The following SHROOM3 variants were observed in gnomAD, a reference collection of about 807,000 sequenced individuals.
SHROOM3 encodes the protein shroom family member 3.
Under a neutral mutation model 138.6 loss-of-function variants are expected in SHROOM3, and 47 were observed. The ratio of observed to expected loss-of-function variants is 0.34; its 90% CI spans 0.27 to 0.43. The LOEUF (loss-of-function observed/expected upper bound fraction) is 0.43, where lower values mean the gene tolerates loss of function less well. Ranked by LOEUF, SHROOM3 falls within the 20% of genes least tolerant of loss-of-function variation. The pLI, the probability that SHROOM3 is intolerant of heterozygous loss-of-function variation, is 1.00. For synonymous variants in SHROOM3, 1,062 were observed against 1,063.3 expected (o/e 1.00, Z 0.02); for missense variants, 2,491 against 2,596.5 (o/e 0.96, Z 0.88).
chr4:76,443,391 G>A (rs971390133), intron 1 of SHROOM3, among the ~76,000 whole-genome samples: 1 of 152,186 alleles, frequency 6.6e-6, no homozygotes, highest in Non-Finnish European at 1.5e-5. Context: ...AGCCCACAGT[G>A]TGATTGGAGA....
chr4:76,490,289 G>T (rs1392850890), intron 1 of SHROOM3, among the ~76,000 whole-genome samples: 1 of 152,186 alleles, frequency 6.6e-6, no homozygotes, highest in Non-Finnish European at 1.5e-5. Context: ...GGCTGGAGTG[G>T]AGTTACAAAA....
chr4:76,767,453 T>C (rs1047547196), intron 9 of SHROOM3, among the ~76,000 whole-genome samples: 1 of 151,958 alleles, frequency 6.6e-6, no homozygotes, highest in Non-Finnish European at 1.5e-5. Flanking sequence ...CCAAGGCAGG[T>C]GAATAACTGA....
At chr4:76,554,371 AAAGT>A (rs1733433148) in intron 1 of SHROOM3, among the ~76,000 whole-genome samples, 1 of 152,070 alleles carries the variant, frequency 6.6e-6, no homozygotes, top group African/African-American at 2.4e-5. Context: ...TTTAGAACAA[AAAGT>A]AAGGTAAGAG....
At chr4:76,521,928 G>A (rs577109654) in intron 1 of SHROOM3, among the ~76,000 whole-genome samples, 1 of 152,140 alleles carries the variant, frequency 6.6e-6, no homozygotes, top group Non-Finnish European at 1.5e-5. Flanking sequence ...ATGATGCACT[G>A]GCAAGGACAT....
chr4:76,524,443 G>C (rs1392119105), intron 1 of SHROOM3, among the ~76,000 whole-genome samples: 1 of 152,222 alleles, frequency 6.6e-6, no homozygotes, highest in Non-Finnish European at 1.5e-5. Flanking sequence ...CAGGAGAAAG[G>C]AAGAGAGTGA....
chr4:76,520,284 C>T (rs1732535182), intron 1 of SHROOM3, among the ~76,000 whole-genome samples: 1 of 152,116 alleles, frequency 6.6e-6, no homozygotes, highest in Non-Finnish European at 1.5e-5. Flanking sequence ...TTTGAAGAGA[C>T]CAGTCATGTC....
intron 1 of SHROOM3, among the ~76,000 whole-genome samples, chr4:76,465,436 T>A (rs1731231245): frequency 6.6e-6 from 1 of 152,202 alleles, no homozygotes; most frequent in African/African-American, 2.4e-5. Context: ...GCCATGCCAT[T>A]CTGCCTGATG....
At chr4:76,677,728 C>T (rs1719081011) in intron 2 of SHROOM3, among the ~76,000 whole-genome samples, 1 of 152,174 alleles carries the variant, frequency 6.6e-6, no homozygotes, top group African/African-American at 2.4e-5. Context: ...CCCAAATGTG[C>T]CCACTATAAG....
intron 2 of SHROOM3, among the ~76,000 whole-genome samples, chr4:76,635,612 G>T (rs1453023753): frequency 6.6e-6 from 1 of 152,258 alleles, no homozygotes; most frequent in East Asian, 1.9e-4. Context: ...GGTCTGAAAG[G>T]CCTCTGGAGA....
At chr4:76,553,421 A>C (rs545931031) in intron 1 of SHROOM3, among the ~76,000 whole-genome samples, 101 of 151,834 alleles carry the variant, frequency 6.7e-4, no homozygotes, top group Non-Finnish European at 1.4e-3. Flanking sequence ...GATTACAGGC[A>C]TGCACCACCA....
At chr4:76,449,137 G>A (rs1441060235) in intron 1 of SHROOM3, among the ~76,000 whole-genome samples, 1 of 152,142 alleles carries the variant, frequency 6.6e-6, no homozygotes, top group Non-Finnish European at 1.5e-5. Context: ...TCTGAGAGTA[G>A]GATCCACTCT....
chr4:76,564,728 A>G lies in SHROOM3; in HGVS notation c.323+8965A>G, dbSNP rs144368821. Reference sequence around the variant, plus strand: ...CTAGCTTCATACAAAGGAATGTTCTATTGTTCCTAGTGAAGGAGGTTTGAT... The same window carrying G: ...CTAGCTTCATACAAAGGAATGTTCTGTTGTTCCTAGTGAAGGAGGTTTGAT... On this transcript the variant is annotated intron_variant, in intron 2 of 10. Coordinates refer to ENST00000296043, the MANE Select transcript of SHROOM3 (RefSeq NM_020859.4). Among the ~76,000 whole-genome samples the G allele has an allele frequency of 5.7e-3, 866 of 152,238 alleles. 4 individuals are homozygous for G. Among genetic ancestry groups the G allele is most frequent in the African/African-American group, 0.02 (826 of 41,526 alleles).
At chr4:76,706,095 A>C (rs1720037200) in intron 2 of SHROOM3, among the ~76,000 whole-genome samples, 1 of 152,130 alleles carries the variant, frequency 6.6e-6, no homozygotes, top group Non-Finnish European at 1.5e-5. Flanking sequence ...ATGCTAGAGA[A>C]AAGAATGGTT....
In SHROOM3 at chr4:76,460,827, C is replaced by CAAAAAAAAAAAAAAAAAAA. The variant is rs58793404; in HGVS notation, c.168+24624_168+24625insAAAAAAAAAAAAAAAAAAA. ...GTAACACAGTGAAAGCCCGTATCTA[C>CAAAAAAAAAAAAAAAAAAA]AAAAAAAAAAAAAAAAATTAGCCAG... is the stretch of plus-strand genomic sequence containing the variant. On this transcript the variant is annotated intron_variant, in intron 1 of 10. Coordinates refer to ENST00000296043, the MANE Select transcript of SHROOM3 (RefSeq NM_020859.4). Among the ~76,000 whole-genome samples, 71 of 78,720 alleles carry CAAAAAAAAAAAAAAAAAAA rather than the reference C, an allele frequency of 9.0e-4. 6 individuals are homozygous for CAAAAAAAAAAAAAAAAAAA. The highest frequency in any genetic ancestry group is 1.3e-3 in the South Asian group (2 of 1,492). The allele number at this position is 78,720 out of a possible 152,430, so 51.6% of individuals were successfully genotyped here.
chr4:76,545,679 G>A (rs530271713), intron 1 of SHROOM3, among the ~76,000 whole-genome samples: 1 of 152,320 alleles, frequency 6.6e-6, no homozygotes, highest in Admixed American at 6.5e-5. Flanking sequence ...ACAAAACCCT[G>A]CAATTCATGA....
At chr4:76,750,283 G>T (rs748865131) in intron 6 of SHROOM3, among the ~76,000 whole-genome samples, 5 of 152,058 alleles carry the variant, frequency 3.3e-5, no homozygotes, top group Non-Finnish European at 7.4e-5. Context: ...TCAAAGACGG[G>T]ACGAAACAAC....
At chr4:76,731,778 C>T (rs1224368999) in intron 4 of SHROOM3, among the ~76,000 whole-genome samples, 1 of 135,960 alleles carries the variant, frequency 7.4e-6, no homozygotes, top group African/African-American at 2.9e-5. Flanking sequence ...AAGACTTCAT[C>T]TCAAAAAAAA....
chr4:76,592,373 G>T (rs1261826380), intron 2 of SHROOM3, among the ~76,000 whole-genome samples: 1 of 152,182 alleles, frequency 6.6e-6, no homozygotes, highest in Non-Finnish European at 1.5e-5. Context: ...GCCTTCTATA[G>T]AGTGCCTAGC....
At chr4:76,646,225 A>AATAAATAAATATATATATATAT (rs61374645) in intron 2 of SHROOM3, among the ~76,000 whole-genome samples, 23 of 96,232 alleles carry the variant, frequency 2.4e-4, no homozygotes, top group East Asian at 4.4e-4. Context: ...ATAATAAATA[A>AATAAATAAATATATATATATAT]ATATATATAT....
Sources: gnomAD v4.1 joint callset for allele counts (sites outside exome capture counted in the v4.1 genomes callset) on GRCh38, gnomAD v4.1.1 for gene constraint, MANE v1.5 for transcripts, NCBI Gene and HGNC (gene_info 2026-07-23, HGNC 2026-07-21) for gene names.